KIF1A: variants seen among roughly 807,000 people sequenced by gnomAD.
KIF1A encodes the protein kinesin-like protein KIF1A.
In KIF1A, 46 loss-of-function variants were observed where a neutral mutation model predicts 227.3. The ratio of observed to expected loss-of-function variants is 0.20; its 90% CI spans 0.16 to 0.26. The LOEUF (loss-of-function observed/expected upper bound fraction) is 0.26. KIF1A is among the 10% of genes least tolerant of loss of function. The pLI is 1.00. For synonymous variants in KIF1A, 1,022 were observed against 1,012.8 expected, an observed-to-expected ratio of 1.01 and a Z score of -0.17; for missense variants, 1,683 against 2,485.9, an observed-to-expected ratio of 0.68 and a Z score of 6.87.
chr2:240,717,476 G>T, intron 48 of KIF1A, 70 bp from the exon 49 acceptor site: 1 of 1,434,396 alleles, frequency 7.0e-7, no homozygotes, highest in South Asian at 1.2e-5. Flanking sequence ...ACCGTGCCCT[G>T]CACAGGCAGG....
At chr2:240,750,639 C>A (rs1023768020) in intron 27 of KIF1A, 92 bp from the exon 28 acceptor site, 8 of 918,026 alleles carry the variant, frequency 8.7e-6, no homozygotes, top group African/African-American at 1.6e-5. Context: ...CACGACACAA[C>A]ATGGAGCTGC....
At chr2:240,737,248 T>A in intron 37 of KIF1A, 80 bp from the exon 38 acceptor site, 1 of 1,072,338 alleles carries the variant, frequency 9.3e-7, no homozygotes, top group Non-Finnish European at 1.4e-6. Flanking sequence ...GTGGGGGTCC[T>A]GTCAGCAAGC....
rs376658420 is a variant in KIF1A, at chr2:240,719,840, C to T, written c.4955G>A (p.Arg1652Gln). 1.9e-4 allele frequency: 301 copies of T among 1,611,390 alleles called. No individual in the cohort carries two copies. The highest frequency in any genetic ancestry group is 7.9e-4 in the Admixed American group (47 of 59,794). The change falls in exon 46 of 49, where the codon CGG becomes CAG. Residue 1652 changes from arginine (R) to glutamine (Q), a missense_variant. Arg to Gln is a conservative substitution (Grantham distance 43, BLOSUM62 1). Transcript: ENST00000498729. ...ADSKKLPSPA[R>Q]ATETDKEPQR... Reference sequence around the variant, plus strand: ...GGGCTCCTTGTCTGTCTCTGTTGCCCGGGCAGGGGAAGGGAGCTTCTTGGA... The same window carrying T: ...GGGCTCCTTGTCTGTCTCTGTTGCCTGGGCAGGGGAAGGGAGCTTCTTGGA...
rs754002758 is a variant in KIF1A, at chr2:240,771,118, G to A, written c.1208-14C>T. On this transcript the variant is annotated splice_polypyrimidine_tract_variant and intron_variant, in intron 14 of 48. Transcript: ENST00000498729. Reference sequence around the variant, plus strand: ...GGGCATTGGTCACTGTGGAGAGAGGGTCAGGGGCTTCATTCACCGTCCCGC... The same window carrying A: ...GGGCATTGGTCACTGTGGAGAGAGGATCAGGGGCTTCATTCACCGTCCCGC... 257 of 1,613,316 alleles carry A rather than the reference G, an allele frequency of 1.6e-4. No individual in the cohort carries two copies. The highest frequency in any genetic ancestry group is 2.1e-4 in the Non-Finnish European group (244 of 1,179,722).
At chr2:240,719,724 C>A in intron 46 of KIF1A, 50 bp downstream of exon 46, 1 of 1,469,556 alleles carries the variant, frequency 6.8e-7, no homozygotes, top group South Asian at 1.4e-5. Flanking sequence ...CTGCCTGTCC[C>A]CTGTCAGCAC....
chr2:240,789,849 C>T lies in KIF1A; in HGVS notation c.107-537G>A, dbSNP rs77936170. 1.4e-3 allele frequency among the ~76,000 whole-genome samples: 210 copies of T among 152,282 alleles called. 3 individuals carry two copies. The East Asian group carries it at 0.038, about 27-fold the overall frequency. On this transcript the variant is annotated intron_variant, in intron 2 of 48. Transcript: ENST00000498729. This position sits in a 1 kb window ranked among gnomAD's most constrained non-coding sequence, Gnocchi z 4.8. ...CTGTCTTCTGCCAGAGTCCCTCCTCCCCCTCCCTCCTCCACCCAACTTCAA... is the reference window on the plus strand; with the variant it reads ...CTGTCTTCTGCCAGAGTCCCTCCTCTCCCTCCCTCCTCCACCCAACTTCAA...
At chr2:240,755,763 A>C (rs1434758461) in intron 27 of KIF1A, among the ~76,000 whole-genome samples, 1 of 152,076 alleles carries the variant, frequency 6.6e-6, no homozygotes, top group African/African-American at 2.4e-5. Context: ...GCCCCACCCC[A>C]CTTCTCCTGA....
intron 4 of KIF1A, among the ~76,000 whole-genome samples, 188 bp from the exon 5 acceptor site, chr2:240,787,504 C>T (rs1575635744): frequency 6.6e-6 from 1 of 152,340 alleles, no homozygotes; most frequent in East Asian, 1.9e-4. Context: ...GTGTCTCCCT[C>T]TTAACTCAGG....
chr2:240,783,762 C>G lies in KIF1A; in HGVS notation c.775G>C (p.Gly259Arg), dbSNP rs1490300535. 6.3e-7 allele frequency: 1 copy of G among 1,582,378 alleles called. No homozygotes were observed. The highest frequency in any genetic ancestry group is 2.3e-5 in the East Asian group (1 of 43,240). ...ACCTTGAGGCGCGTGCCCTTGGCTC[C>G]CGTGGAGTCAGCCCGCTCGCTCCCA... is the stretch of plus-strand genomic sequence containing the variant. ...LAGSERADST[G>R]AKGTRLKEGA... is the part of the protein sequence containing the mutation. The change falls in exon 8 of 49, where the codon GGA (glycine) becomes CGA (arginine). Residue 259 changes from glycine (G) to arginine (R), a missense_variant. By Grantham distance (125) the Gly-to-Arg change is moderately radical. This residue lies in a region of KIF1A where 14 missense variants were observed against 62.4 expected (regional missense o/e 0.22). Transcript: ENST00000498729.
intron 20 of KIF1A, 92 bp from the exon 21 acceptor site, chr2:240,763,438 G>A (rs959640582): frequency 1.5e-5 from 19 of 1,240,402 alleles, no homozygotes; most frequent in Admixed American, 8.4e-5. Flanking sequence ...AAAGGGGAAC[G>A]GGTGCAGGCA....
chr2:240,767,064 T>A, intron 18 of KIF1A, 43 bp from the exon 19 acceptor site: 1 of 1,476,706 alleles, frequency 6.8e-7, no homozygotes, highest in Non-Finnish European at 9.3e-7. Context: ...TGGGACCCAA[T>A]ACACCCAGGA....
At chr2:240,765,204 T>C (rs1479155785) in intron 20 of KIF1A, among the ~76,000 whole-genome samples, 2 of 152,208 alleles carry the variant, frequency 1.3e-5, no homozygotes, top group Middle Eastern at 3.2e-3. Flanking sequence ...AGAAGGGACT[T>C]TATGCCACGT....
intron 1 of KIF1A, among the ~76,000 whole-genome samples, chr2:240,812,924 A>ACCTCGGGGATCT (rs1205330618): frequency 1.1e-4 from 5 of 46,306 alleles, no homozygotes; most frequent in Admixed American, 5.2e-4. Flanking sequence ...CTCGGGGATC[A>ACCTCGGGGATCT]GCCTTCACCT....
At position 240,714,913 on chromosome 2, in the gene KIF1A, G is replaced by T. The variant is rs1234829658; in HGVS notation, c.*2451C>A. ...GCCAGGCAGTCTCCATGGCAGTGGA[G>T]GCTTCTGAATTTAGGCAGCTCCCAG... On this transcript the variant is annotated 3_prime_UTR_variant, in exon 49 of 49. Coordinates refer to ENST00000498729, the MANE Select transcript of KIF1A (RefSeq NM_001244008.2). 1.3e-5 allele frequency: 2 copies of T among 152,226 alleles called. No individual in the cohort carries two copies. Among genetic ancestry groups the T allele is most frequent in the African/African-American group, 4.8e-5 (2 of 41,438 alleles). 9.4% of individuals were successfully genotyped at this position (152,226 alleles called of 1,614,324 possible).
At chr2:240,762,458 T>C (rs1385764873) in intron 23 of KIF1A, among the ~76,000 whole-genome samples, 1 of 152,246 alleles carries the variant, frequency 6.6e-6, no homozygotes, top group Non-Finnish European at 1.5e-5. Flanking sequence ...TGTACATGTG[T>C]GCACGTGAAT....
intron 10 of KIF1A, among the ~76,000 whole-genome samples, chr2:240,780,259 G>T (rs572510094): frequency 6.6e-6 from 1 of 151,554 alleles, no homozygotes; most frequent in African/African-American, 2.4e-5. Context: ...ATGGCTCCTC[G>T]GCGTCCCTCA....
chr2:240,750,928 T>C (rs1480342632), intron 27 of KIF1A, among the ~76,000 whole-genome samples: 1 of 152,174 alleles, frequency 6.6e-6, no homozygotes, highest in Non-Finnish European at 1.5e-5. Context: ...ACACTGGCAC[T>C]GATGGCCAGC....
intron 33 of KIF1A, among the ~76,000 whole-genome samples, chr2:240,743,300 G>C (rs1575558935): frequency 6.6e-6 from 1 of 152,196 alleles, no homozygotes; most frequent in Non-Finnish European, 1.5e-5. Context: ...ACACCCTGGA[G>C]GGCCCCTGAG....
chr2:240,762,698 G>T, intron 23 of KIF1A, 21 bp downstream of exon 23: 1 of 1,565,760 alleles, frequency 6.4e-7, no homozygotes, highest in South Asian at 1.2e-5. Flanking sequence ...CGCAGCAGGT[G>T]CTGGCCCAGT....
Sources: allele counts gnomAD v4.1 joint callset (sites outside exome capture counted in the v4.1 genomes callset), GRCh38; gene constraint gnomAD v4.1.1; regional missense constraint gnomAD v4.1.1; non-coding constraint Gnocchi (gnomAD v3.1); transcripts MANE v1.5; gene names NCBI Gene and HGNC (gene_info 2026-07-23, HGNC 2026-07-21).